HHAT: variants seen among roughly 807,000 people sequenced by gnomAD.
The protein encoded by HHAT is protein-cysteine N-palmitoyltransferase HHAT.
HHAT carries 47 observed loss-of-function variants against 70.8 expected under a neutral mutation model. That is an observed-to-expected ratio of 0.66 (90% CI 0.53 to 0.85). The LOEUF (loss-of-function observed/expected upper bound fraction) is 0.85, where lower values mean the gene tolerates loss of function less well. Ranked by LOEUF, HHAT falls within the 40% of genes least tolerant of loss-of-function variation. The pLI, the probability that HHAT is intolerant of heterozygous loss-of-function variation, is 0.00. For missense variants in HHAT, 609 were observed against 604.8 expected (o/e 1.01, Z -0.07); for synonymous variants, 228 against 247.6 (o/e 0.92, Z 0.74).
rs10639399 is a variant in HHAT at position 210,496,010 on chromosome 1, CAAAAAAAAAAAA to C, written c.1008-17134_1008-17123del. Among the ~76,000 whole-genome samples, 6 of 67,954 alleles carry C rather than the reference CAAAAAAAAAAAA, an allele frequency of 8.8e-5. No homozygotes were observed. The East Asian group carries it at 3.9e-3, about 45-fold the overall frequency. The allele number at this position is 67,954 out of a possible 152,430, so 44.6% of individuals were successfully genotyped here. A position where few individuals can be genotyped will look rare whatever the true frequency, so the allele number is the denominator to read the frequency against. Reference sequence around the variant, plus strand: ...TGGGCAACAGAGTCAAACTCTATCTCAAAAAAAAAAAAAAAAAAAAGAAAAAGAAAATGGAGT... The same window carrying C: ...TGGGCAACAGAGTCAAACTCTATCTCAAAAAAAAGAAAAAGAAAATGGAGT... On this transcript the variant is annotated intron_variant, in intron 8 of 11. Transcript: ENST00000261458.
chr1:210,423,221 A>G (rs1377961895), intron 7 of HHAT, among the ~76,000 whole-genome samples: 1 of 152,124 alleles, frequency 6.6e-6, no homozygotes, highest in African/African-American at 2.4e-5. Flanking sequence ...CTTCATCCTC[A>G]TCACCATTTG....
chr1:210,440,483 C>T (rs1301845716), intron 7 of HHAT, among the ~76,000 whole-genome samples: 1 of 151,772 alleles, frequency 6.6e-6, no homozygotes, highest in East Asian at 1.9e-4. Flanking sequence ...GGTGAGGTAG[C>T]TTTCCTGAGT....
intron 3 of HHAT, among the ~76,000 whole-genome samples, chr1:210,378,932 G>A (rs548347008): frequency 4.6e-5 from 7 of 152,300 alleles, no homozygotes; most frequent in Admixed American, 2.0e-4. Context: ...CATTTCTTCC[G>A]TAGTATGTTA....
At chr1:210,443,359 T>C (rs1379978375) in intron 7 of HHAT, among the ~76,000 whole-genome samples, 4 of 151,234 alleles carry the variant, frequency 2.6e-5, no homozygotes, top group Admixed American at 6.6e-5. Context: ...AACTTTAAAG[T>C]AGTTTTTTCC....
At chr1:210,418,964 C>T (rs548424332) in intron 7 of HHAT, among the ~76,000 whole-genome samples, 60 of 152,152 alleles carry the variant, frequency 3.9e-4, no homozygotes, top group East Asian at 1.5e-3. Context: ...ATCTGGGAGG[C>T]GGAGGTTGCA....
intron 3 of HHAT, among the ~76,000 whole-genome samples, chr1:210,379,433 A>G (rs1266713079): frequency 6.6e-6 from 1 of 152,264 alleles, no homozygotes; most frequent in Non-Finnish European, 1.5e-5. Context: ...TGGTTGAGTT[A>G]ATCGGCAGTA....
intron 6 of HHAT, among the ~76,000 whole-genome samples, chr1:210,406,605 G>C (rs1246085421): frequency 6.6e-6 from 1 of 152,014 alleles, no homozygotes; most frequent in Admixed American, 6.6e-5. Context: ...TGTTTCCCAG[G>C]CTTGTCTCTA....
chr1:210,612,864 T>G (rs2148847456), intron 10 of HHAT, among the ~76,000 whole-genome samples: 1 of 152,328 alleles, frequency 6.6e-6, no homozygotes, highest in Non-Finnish European at 1.5e-5. Context: ...TCTCATGGTT[T>G]TGATTTGCAT....
chr1:210,531,525 G>A (rs1318855590), intron 9 of HHAT, among the ~76,000 whole-genome samples: 1 of 152,176 alleles, frequency 6.6e-6, no homozygotes, highest in Non-Finnish European at 1.5e-5. Context: ...GTAAGTTGTG[G>A]AATTAAACCA....
At chr1:210,557,287 C>A (rs2095581382) in intron 9 of HHAT, among the ~76,000 whole-genome samples, 1 of 152,172 alleles carries the variant, frequency 6.6e-6, no homozygotes. Flanking sequence ...ATAATAAATG[C>A]CCCCATGAAC....
At chr1:210,615,589 C>T (rs12043967) in intron 10 of HHAT, among the ~76,000 whole-genome samples, 56,331 of 152,000 alleles carry the variant, frequency 0.37, 11,300 homozygotes, top group South Asian at 0.48. Flanking sequence ...TGGTCTTTGA[C>T]GTTGGTGACG....
At chr1:210,448,806 G>GC (rs3835411) in intron 7 of HHAT, among the ~76,000 whole-genome samples, 52,529 of 151,982 alleles carry the variant, frequency 0.35, 9,474 homozygotes, top group South Asian at 0.47. Context: ...GTGGATTTCA[G>GC]CAGTGAGGGT....
At chr1:210,490,346 C>A (rs79266244) in intron 8 of HHAT, among the ~76,000 whole-genome samples, 1 of 152,230 alleles carries the variant, frequency 6.6e-6, no homozygotes, top group Non-Finnish European at 1.5e-5. Context: ...CTGCCACCAG[C>A]ATATCTTCTC....
chr1:210,622,141 G>A (rs1313967603), intron 10 of HHAT, among the ~76,000 whole-genome samples: 1 of 152,176 alleles, frequency 6.6e-6, no homozygotes, highest in Non-Finnish European at 1.5e-5. Flanking sequence ...CTCCAATTTA[G>A]TCCTTTTTGC....
intron 10 of HHAT, among the ~76,000 whole-genome samples, chr1:210,603,363 A>G (rs1223071071): frequency 2.0e-5 from 3 of 152,144 alleles, no homozygotes; most frequent in Non-Finnish European, 4.4e-5. Flanking sequence ...CTGTTTCTGC[A>G]GCACAGATGA....
chr1:210,639,104 A>G (rs928604445), intron 11 of HHAT, among the ~76,000 whole-genome samples: 3 of 152,094 alleles, frequency 2.0e-5, no homozygotes, highest in South Asian at 2.1e-4. Flanking sequence ...TGCTCCGTCC[A>G]TCTGTCTATT....
chr1:210,629,705 A>T (rs1200101003), intron 11 of HHAT, among the ~76,000 whole-genome samples: 1 of 152,078 alleles, frequency 6.6e-6, no homozygotes, highest in Non-Finnish European at 1.5e-5. Flanking sequence ...CTTTTGGCTC[A>T]TGCCTTCCTT....
At chr1:210,340,672 T>G (rs1349383203) in intron 1 of HHAT, among the ~76,000 whole-genome samples, 3 of 152,250 alleles carry the variant, frequency 2.0e-5, no homozygotes, top group Non-Finnish European at 4.4e-5. Flanking sequence ...GTGAGTTAGA[T>G]ATTTCATGTG....
chr1:210,560,638 C>A, intron 9 of HHAT, among the ~76,000 whole-genome samples: 1 of 148,858 alleles, frequency 6.7e-6, no homozygotes, highest in Non-Finnish European at 1.5e-5. Flanking sequence ...CAACATAGAC[C>A]CCATCTCTAC....
Sources: allele counts gnomAD v4.1 joint callset (sites outside exome capture counted in the v4.1 genomes callset), GRCh38; gene constraint gnomAD v4.1.1; transcripts MANE v1.5; gene names NCBI Gene and HGNC (gene_info 2026-07-23, HGNC 2026-07-21).